The following MACROD2 variants were observed in gnomAD, a reference collection of about 807,000 sequenced individuals.
MACROD2 encodes ADP-ribose glycohydrolase MACROD2.
Under a neutral mutation model 70.4 loss-of-function variants are expected in MACROD2, and 36 were observed. The observed-to-expected ratio is 0.51, with a 90% CI of 0.39 to 0.68. MACROD2 has a LOEUF of 0.68. Among genes scored for constraint, MACROD2 ranks in the 30% least tolerant of loss-of-function variants. MACROD2 has a pLI of 0.00. For synonymous variants in MACROD2, 172 were observed against 178.8 expected, an observed-to-expected ratio of 0.96 and a Z score of 0.30; for missense variants, 496 against 538.4, an observed-to-expected ratio of 0.92 and a Z score of 0.78.
At chr20:14,999,351 C>G (rs2074975013) in intron 5 of MACROD2, among the ~76,000 whole-genome samples, 1 of 152,200 alleles carries the variant, frequency 6.6e-6, no homozygotes, top group Non-Finnish European at 1.5e-5. Context: ...TTTCAAGACA[C>G]TGACAGTATA....
chr20:15,986,850 A>G, intron 14 of MACROD2, 49 bp downstream of exon 14: 1 of 1,424,608 alleles, frequency 7.0e-7, no homozygotes, highest in Non-Finnish European at 9.9e-7. Context: ...TGAAACTGTG[A>G]ATCATGACTT....
chr20:15,396,163 A>G (rs2045857622), intron 6 of MACROD2, among the ~76,000 whole-genome samples: 1 of 152,244 alleles, frequency 6.6e-6, no homozygotes, highest in South Asian at 2.1e-4. Context: ...AGGGAAGTCC[A>G]TGACACCATC....
intron 5 of MACROD2, among the ~76,000 whole-genome samples, chr20:14,867,160 T>C (rs896372608): frequency 6.6e-6 from 1 of 152,164 alleles, no homozygotes; most frequent in African/African-American, 2.4e-5. Context: ...ACTGAGTTCC[T>C]GGAGAAACCT....
At chr20:14,177,284 A>G (rs1022662158) in intron 3 of MACROD2, among the ~76,000 whole-genome samples, 8 of 148,966 alleles carry the variant, frequency 5.4e-5, no homozygotes, top group Admixed American at 4.8e-4. Context: ...AAAACCTAGT[A>G]AAATAGGAGA....
intron 3 of MACROD2, among the ~76,000 whole-genome samples, chr20:14,286,435 C>G (rs1568538576): frequency 1.3e-5 from 2 of 152,090 alleles, no homozygotes; most frequent in Non-Finnish European, 2.9e-5. Context: ...CTCATATTCT[C>G]TCTAAGATTC....
At chr20:15,798,899 T>C (rs1445683200) in intron 8 of MACROD2, among the ~76,000 whole-genome samples, 2 of 152,206 alleles carry the variant, frequency 1.3e-5, no homozygotes, top group Non-Finnish European at 2.9e-5. Context: ...CCAGACAGTA[T>C]TGATTTTTTA....
At chr20:15,879,521 C>T (rs908760366) in intron 9 of MACROD2, among the ~76,000 whole-genome samples, 1 of 152,022 alleles carries the variant, frequency 6.6e-6, no homozygotes, top group African/African-American at 2.4e-5. Context: ...CAAATAATTG[C>T]AAAATATTAA....
intron 8 of MACROD2, among the ~76,000 whole-genome samples, chr20:15,561,651 G>T (rs752066793): frequency 1.3e-5 from 2 of 152,088 alleles, no homozygotes; most frequent in Non-Finnish European, 2.9e-5. Context: ...ATGAGAAGGA[G>T]AAAAATGGTT....
At chr20:15,845,909 A>G (rs1295325758) in intron 8 of MACROD2, among the ~76,000 whole-genome samples, 1 of 152,202 alleles carries the variant, frequency 6.6e-6, no homozygotes, top group Non-Finnish European at 1.5e-5. Flanking sequence ...GACCAATGAA[A>G]TTTAAGCCTA....
chr20:14,439,028 G>A (rs570250726), intron 3 of MACROD2, among the ~76,000 whole-genome samples: 31 of 152,142 alleles, frequency 2.0e-4, no homozygotes, highest in Admixed American at 1.4e-3. Flanking sequence ...AGACTTTTGC[G>A]GTTTCAGGTC....
intron 4 of MACROD2, among the ~76,000 whole-genome samples, chr20:14,626,593 C>T (rs1984182782): frequency 6.6e-6 from 1 of 152,114 alleles, no homozygotes; most frequent in Admixed American, 6.6e-5. Flanking sequence ...CACAAGAAGG[C>T]GTGGTAAGAT....
intron 5 of MACROD2, among the ~76,000 whole-genome samples, chr20:15,151,288 T>G (rs529885136): frequency 6.6e-6 from 1 of 152,074 alleles, no homozygotes; most frequent in Non-Finnish European, 1.5e-5. Context: ...TTTCCAGCAC[T>G]TGTAGCAAGC....
At position 16,040,160 on chromosome 20, in the gene MACROD2, C is replaced by G. The variant is rs182912461; in HGVS notation, c.1154-1041C>G. Among the ~76,000 whole-genome samples the G allele has an allele frequency of 4.6e-5, 7 of 152,026 alleles. No individual in the cohort carries two copies. The East Asian group carries it at 1.4e-3, about 30-fold the overall frequency. The stretch of plus-strand genomic sequence containing the variant: ...AATGACCTCTCTGCCATTCATCTAC[C>G]TAAGCTCAGAGCCCAGTCACCTTTG... On this transcript the variant is annotated intron_variant, in intron 15 of 17. Transcript: ENST00000684519.
chr20:15,772,097 A>ATATATATAT (rs1305604286), intron 8 of MACROD2, among the ~76,000 whole-genome samples: 37 of 93,390 alleles, frequency 4.0e-4, no homozygotes, highest in Non-Finnish European at 5.2e-4. Context: ...AAAAAAAAAA[A>ATATATATAT]AAAAATATAT....
At chr20:14,704,663 G>T (rs545832176) in intron 5 of MACROD2, among the ~76,000 whole-genome samples, 3 of 152,086 alleles carry the variant, frequency 2.0e-5, no homozygotes, top group Non-Finnish European at 4.4e-5. Context: ...GCCTGTTCAA[G>T]CCTGTTTTCC....
chr20:15,221,258 A>G (rs1455862805), intron 5 of MACROD2, among the ~76,000 whole-genome samples: 4 of 152,140 alleles, frequency 2.6e-5, no homozygotes, highest in South Asian at 2.1e-4. Context: ...TCTTCCTTGA[A>G]ACAGTCATAT....
chr20:15,534,235 A>G (rs954048394), intron 8 of MACROD2, among the ~76,000 whole-genome samples: 15 of 152,220 alleles, frequency 9.9e-5, no homozygotes, highest in Admixed American at 2.6e-4. Flanking sequence ...CTACATGTAG[A>G]CACACATCCT....
intron 5 of MACROD2, among the ~76,000 whole-genome samples, chr20:14,953,388 A>G (rs1005611691): frequency 6.7e-6 from 1 of 150,188 alleles, no homozygotes; most frequent in African/African-American, 2.5e-5. Flanking sequence ...CTCACTGCAA[A>G]CTCCGCCTCC....
intron 8 of MACROD2, among the ~76,000 whole-genome samples, chr20:15,676,950 G>A (rs722877): frequency 0.22 from 33,500 of 152,124 alleles, 4,182 homozygotes; most frequent in African/African-American, 0.35. Context: ...TCATCTCCTT[G>A]ATGGGGATGC....
Sources: gnomAD v4.1 joint callset for allele counts (sites outside exome capture counted in the v4.1 genomes callset) on GRCh38, gnomAD v4.1.1 for gene constraint, MANE v1.5 for transcripts, NCBI Gene and HGNC (gene_info 2026-07-23, HGNC 2026-07-21) for gene names.